DTNA: variants seen among roughly 807,000 people sequenced by gnomAD.
DTNA encodes dystrobrevin alpha.
In DTNA, 43 loss-of-function variants were observed where a neutral mutation model predicts 100.7. The ratio of observed to expected loss-of-function variants is 0.43; its 90% CI spans 0.33 to 0.55. The LOEUF is 0.55. DTNA is among the 20% of genes least tolerant of loss of function. DTNA has a pLI of 0.04. For synonymous variants in DTNA, 349 were observed against 347.9 expected, an observed-to-expected ratio of 1.00 and a Z score of -0.04; for missense variants, 798 against 953.9, an observed-to-expected ratio of 0.84 and a Z score of 2.15.
rs7235127 is a variant in DTNA at position 34,809,003 on chromosome 18, C to A, written c.448+2699C>A. 6.0e-3 allele frequency among the ~76,000 whole-genome samples: 909 copies of A among 152,200 alleles called. 7 individuals are homozygous for A. Among genetic ancestry groups the A allele is most frequent in the African/African-American group, 0.021 (871 of 41,510 alleles). Reference sequence around the variant, plus strand: ...AGGAGTCACTCTTTGTATAGTTAATCCTGGGAAGATGGTTTTAGCAGTTTC... The same window carrying A: ...AGGAGTCACTCTTTGTATAGTTAATACTGGGAAGATGGTTTTAGCAGTTTC... On this transcript the variant is annotated intron_variant, in intron 5 of 22. Coordinates refer to ENST00000444659, the MANE Select transcript of DTNA (RefSeq NM_001386795.1).
At chr18:34,704,450 C>T (rs544037347) in intron 1 of DTNA, among the ~76,000 whole-genome samples, 4 of 152,164 alleles carry the variant, frequency 2.6e-5, no homozygotes, top group Non-Finnish European at 5.9e-5. Context: ...CACCTAATAT[C>T]CCCCAAACAA....
rs755834429 is a variant in DTNA at position 34,890,555 on chromosome 18, A to C, written c.*2821A>C. On this transcript the variant is annotated 3_prime_UTR_variant, in exon 23 of 23. Transcript: ENST00000444659. ...CACATCCATCTCCATCAGAGCTGAT[A>C]GCCTGTTAATAAGCACTGGTCTAAC... 53 of 1,458,998 alleles carry C rather than the reference A, an allele frequency of 3.6e-5. No homozygotes were observed. The highest frequency in any genetic ancestry group is 4.7e-5 in the Non-Finnish European group (51 of 1,091,192). The allele number at this position is 1,458,998 out of a possible 1,614,324, so 90.4% of individuals were successfully genotyped here.
chr18:34,563,282 G>T (rs1449011832), intron 1 of DTNA, among the ~76,000 whole-genome samples: 1 of 152,184 alleles, frequency 6.6e-6, no homozygotes, highest in Non-Finnish European at 1.5e-5. Flanking sequence ...GAGTTAGGCT[G>T]CCACAAGCCA....
chr18:34,689,828 TC>T (rs2079482302), intron 1 of DTNA, among the ~76,000 whole-genome samples: 2 of 152,178 alleles, frequency 1.3e-5, no homozygotes, highest in Admixed American at 1.3e-4. Context: ...TGCCTTTCTT[TC>T]AGAGATGCCC....
At chr18:34,634,867 A>G (rs149021822) in intron 1 of DTNA, among the ~76,000 whole-genome samples, 237 of 152,284 alleles carry the variant, frequency 1.6e-3, no homozygotes, top group Non-Finnish European at 2.5e-3. Flanking sequence ...AATACAATAC[A>G]TTGTTATTAA....
intron 1 of DTNA, among the ~76,000 whole-genome samples, chr18:34,578,849 A>G (rs1422788270): frequency 6.6e-6 from 1 of 152,120 alleles, no homozygotes; most frequent in Non-Finnish European, 1.5e-5. Flanking sequence ...TACCACTACC[A>G]TGCTGTTTTG....
At chr18:34,597,344 A>T (rs181722170) in intron 1 of DTNA, among the ~76,000 whole-genome samples, 7 of 152,222 alleles carry the variant, frequency 4.6e-5, no homozygotes, top group Non-Finnish European at 8.8e-5. Flanking sequence ...TAAGACATTT[A>T]AAAAATCTTC....
chr18:34,625,055 G>T (rs1196318923), intron 1 of DTNA, among the ~76,000 whole-genome samples: 7 of 146,780 alleles, frequency 4.8e-5, no homozygotes, highest in African/African-American at 1.5e-4. Context: ...TTTTTTTTGA[G>T]ACAGAGTCCC....
chr18:34,572,024 ACAT>A (rs2047638354), intron 1 of DTNA, among the ~76,000 whole-genome samples: 1 of 152,246 alleles, frequency 6.6e-6, no homozygotes, highest in Non-Finnish European at 1.5e-5. Flanking sequence ...CAAGGCCCTG[ACAT>A]CATATCAAAA....
In DTNA at chr18:34,794,136, C is replaced by T. The variant is rs773316670; in HGVS notation, c.248C>T (p.Ala83Val). 1.2e-6 allele frequency: 2 copies of T among 1,614,034 alleles called. No individual in the cohort carries two copies. Among genetic ancestry groups the T allele is most frequent in the East Asian group, 4.5e-5 (2 of 44,878 alleles). Residue 83 changes from alanine (A) to valine (V), a missense_variant, in exon 4 of 23, where the codon GCT becomes GTT. By Grantham distance (64) the Ala-to-Val change is moderately conservative (BLOSUM62 0). This residue lies in a region of DTNA where 197 missense variants were observed against 215.4 expected (regional missense o/e 0.91). Transcript: ENST00000444659. ...NTELNVSRLE[A>V]VLSTIFYQLN... Reference sequence around the variant, plus strand: ...GAACTCAACGTGTCCCGCTTAGAGGCTGTGCTCTCCACTATTTTTTACCAG... The same window carrying T: ...GAACTCAACGTGTCCCGCTTAGAGGTTGTGCTCTCCACTATTTTTTACCAG...
At chr18:34,592,764 C>CA (rs1362399125) in intron 1 of DTNA, among the ~76,000 whole-genome samples, 2 of 152,070 alleles carry the variant, frequency 1.3e-5, no homozygotes, top group Non-Finnish European at 2.9e-5. Context: ...CAACTTTTAA[C>CA]AAAAAATTTG....
intron 1 of DTNA, among the ~76,000 whole-genome samples, chr18:34,660,960 G>A (rs1332843830): frequency 6.6e-6 from 1 of 152,168 alleles, no homozygotes; most frequent in East Asian, 1.9e-4. Context: ...TCAGGAGACA[G>A]GGCTGTGTCA....
intron 1 of DTNA, among the ~76,000 whole-genome samples, chr18:34,517,460 C>CGTGTGTGTGT (rs1199695756): frequency 0.042 from 6,284 of 148,930 alleles, 125 homozygotes; most frequent in African/African-American, 0.057. Context: ...TTTATATACA[C>CGTGTGTGTGT]GTGTGTGTGT....
intron 1 of DTNA, among the ~76,000 whole-genome samples, chr18:34,640,588 A>G (rs1216509196): frequency 6.6e-6 from 1 of 152,230 alleles, no homozygotes; most frequent in Non-Finnish European, 1.5e-5. Context: ...ACTGTAATTC[A>G]GACCACATGC....
At chr18:34,620,132 A>G (rs1190585095) in intron 1 of DTNA, among the ~76,000 whole-genome samples, 2 of 152,196 alleles carry the variant, frequency 1.3e-5, no homozygotes, top group Non-Finnish European at 2.9e-5. Context: ...AGACAGTCTT[A>G]CTGGGAACAG....
intron 1 of DTNA, among the ~76,000 whole-genome samples, chr18:34,561,836 T>C (rs1321705330): frequency 6.6e-6 from 1 of 152,182 alleles, no homozygotes; most frequent in African/African-American, 2.4e-5. Context: ...TTATTGAATA[T>C]TGTGATTTTT....
rs999808836 is a variant in DTNA at position 34,759,121 on chromosome 18, CTTAA to C, written c.67+3082_67+3085del. On this transcript the variant is annotated intron_variant, in intron 2 of 22. Coordinates refer to ENST00000444659, the MANE Select transcript of DTNA (RefSeq NM_001386795.1). ...CCAAAAATTCTCTTCACAATAATGC[CTTAA>C]TTATCAGTTTGCTTAGTACCTTGGA... Among the ~76,000 whole-genome samples the C allele has an allele frequency of 6.7e-4, 102 of 152,146 alleles. 1 individual carries two copies. Among genetic ancestry groups the C allele is most frequent in the Middle Eastern group, 6.8e-3 (2 of 294 alleles).
At chr18:34,729,129 G>A (rs902247935) in intron 1 of DTNA, among the ~76,000 whole-genome samples, 12 of 152,170 alleles carry the variant, frequency 7.9e-5, no homozygotes, top group African/African-American at 2.7e-4. Flanking sequence ...GGAACTCATA[G>A]GTATAATACC....
Position 34,838,120 on chromosome 18 carries a change from A to C in DTNA, c.1202A>C (p.Glu401Ala). Residue 401 changes from glutamate to alanine, a missense_variant, in exon 12 of 23, where the codon GAG becomes GCG. Glu to Ala is a moderately radical substitution (Grantham distance 107). Around this residue, in one of 6 missense-constraint regions of DTNA, gnomAD observed 159 missense variants for 201.2 expected, o/e 0.79. Transcript: ENST00000444659. ...TCTCCTCCCAAGGACAGTGAAGTAG[A>C]GCAGAACAAACTGCTGGCTAGGGCT... Reference protein sequence around the residue: ...ARSPPKDSEVEQNKLLARAAP... With the variant: ...ARSPPKDSEVAQNKLLARAAP... The C allele has an allele frequency of 6.2e-7, 1 of 1,613,926 alleles. No individual in the cohort carries two copies. The highest frequency in any genetic ancestry group is 1.1e-5 in the South Asian group (1 of 91,084).
Sources: gnomAD v4.1 joint callset for allele counts (sites outside exome capture counted in the v4.1 genomes callset) on GRCh38, gnomAD v4.1.1 for gene constraint, gnomAD v4.1.1 regional missense constraint, MANE v1.5 for transcripts, NCBI Gene and HGNC (gene_info 2026-07-23, HGNC 2026-07-21) for gene names.